The following RPTOR variants were observed in gnomAD, a reference collection of about 807,000 sequenced individuals.
RPTOR encodes the protein regulatory associated protein of MTOR complex 1.
A neutral mutation model predicts 169.9 loss-of-function variants in RPTOR; 21 were observed. The observed-to-expected ratio is 0.12, with a 90% CI of 0.09 to 0.18. RPTOR has a LOEUF of 0.18. Among genes scored for constraint, RPTOR ranks in the 10% least tolerant of loss-of-function variants. The probability of loss-of-function intolerance (pLI) is 1.00; values close to 1 mark genes in which losing one functional copy is unlikely to be tolerated. For synonymous variants in RPTOR, 732 were observed against 753.2 expected (o/e 0.97, Z 0.46); for missense variants, 1,133 against 1,855.9 (o/e 0.61, Z 7.16).
chr17:80,940,377 TG>T, intron 24 of RPTOR, 118 bp from the exon 25 acceptor site: 1 of 714,330 alleles, frequency 1.4e-6, no homozygotes. Flanking sequence ...CCTTTCGTAT[TG>T]GGGACTGAGC....
At chr17:80,737,604 T>C (rs981039477) in intron 5 of RPTOR, among the ~76,000 whole-genome samples, 6 of 152,198 alleles carry the variant, frequency 3.9e-5, no homozygotes, top group Non-Finnish European at 7.3e-5. Flanking sequence ...TCTCTGCATG[T>C]GCTCTGGACA....
At chr17:80,927,756 A>G (rs1391829799) in intron 24 of RPTOR, among the ~76,000 whole-genome samples, 1 of 109,572 alleles carries the variant, frequency 9.1e-6, no homozygotes, top group African/African-American at 3.6e-5. Flanking sequence ...GTGTGTGTCT[A>G]TTTGTTCCGG....
intron 3 of RPTOR, among the ~76,000 whole-genome samples, chr17:80,701,046 A>C (rs1208904417): frequency 1.3e-5 from 2 of 152,110 alleles, no homozygotes. Flanking sequence ...CAGCTGGGTG[A>C]TTCTCAGGTT....
At chr17:80,596,737 C>T (rs2143430152) in intron 1 of RPTOR, among the ~76,000 whole-genome samples, 1 of 152,272 alleles carries the variant, frequency 6.6e-6, no homozygotes, top group South Asian at 2.1e-4. Flanking sequence ...GATAAAATAA[C>T]ACCTTTTTCT....
chr17:80,611,756 G>GTTTT (rs71163978), intron 1 of RPTOR, among the ~76,000 whole-genome samples: 2 of 132,190 alleles, frequency 1.5e-5, no homozygotes, highest in African/African-American at 6.3e-5. Flanking sequence ...TTTTATAGCT[G>GTTTT]TTTTTTTTTT....
At chr17:80,942,991 C>A (rs1227797888) in intron 25 of RPTOR, among the ~76,000 whole-genome samples, 2 of 152,280 alleles carry the variant, frequency 1.3e-5, no homozygotes, top group African/African-American at 4.8e-5. Context: ...GCCTTCGGGC[C>A]TGCCTGCCTC....
At chr17:80,952,211 G>T (rs956505362) in intron 28 of RPTOR, among the ~76,000 whole-genome samples, 1 of 152,244 alleles carries the variant, frequency 6.6e-6, no homozygotes, top group African/African-American at 2.4e-5. Flanking sequence ...CCCAGTGTTG[G>T]CATTTGATAG....
intron 7 of RPTOR, among the ~76,000 whole-genome samples, chr17:80,817,961 G>A (rs1201301837): frequency 6.6e-6 from 1 of 152,194 alleles, no homozygotes; most frequent in African/African-American, 2.4e-5. Flanking sequence ...CAGTAAGGAA[G>A]ATAAATCCTG....
At position 80,820,911 on chromosome 17, in the gene RPTOR, G is replaced by T. The variant is rs80132455; in HGVS notation, c.891-1290G>T. 0.03 allele frequency among the ~76,000 whole-genome samples: 4,638 copies of T among 152,286 alleles called. 261 individuals carry two copies. The highest frequency in any genetic ancestry group is 0.11 in the African/African-American group (4,455 of 41,540). On this transcript the variant is annotated intron_variant, in intron 7 of 33. Transcript: ENST00000306801. This position sits in a 1 kb window ranked among gnomAD's most constrained non-coding sequence, Gnocchi z 4.1. ...GAAAACCCTGATGTTGGGTAAACTG[G>T]TCTCCACTGTGGAGGTCGAAATTTT... is the stretch of plus-strand genomic sequence containing the variant.
Position 80,861,753 on chromosome 17 carries a change from A to G in RPTOR, c.1509+3853A>G, listed in dbSNP as rs574297476. 1.4e-4 allele frequency among the ~76,000 whole-genome samples: 22 copies of G among 152,336 alleles called. No individual in the cohort carries two copies. The highest frequency in any genetic ancestry group is 3.3e-4 in the Admixed American group (5 of 15,306). On this transcript the variant is annotated intron_variant, in intron 13 of 33. Transcript: ENST00000306801. The surrounding 1 kb of genome is among the most constrained non-coding windows in gnomAD (Gnocchi z 4.5). ...CCCCAGCACCGCCAGTGCTGCAGGA[A>G]CGTGTCTAAGCCAACTTTGATTCTC...
chr17:80,698,645 T>C (rs1275719347), intron 3 of RPTOR, among the ~76,000 whole-genome samples: 1 of 152,242 alleles, frequency 6.6e-6, no homozygotes, highest in Non-Finnish European at 1.5e-5. Context: ...TTAATCTTTA[T>C]GTTTGGAAAG....
At chr17:80,546,833 CA>C (rs1292252092) in intron 1 of RPTOR, among the ~76,000 whole-genome samples, 1 of 152,110 alleles carries the variant, frequency 6.6e-6, no homozygotes, top group African/African-American at 2.4e-5. Context: ...GCAGGCCTCC[CA>C]AAGGCAGGCG....
Position 80,574,837 on chromosome 17 carries a change from T to TTTTTTC in RPTOR, c.162+29051_162+29052insCTTTTT, listed in dbSNP as rs1414222899. ...AGCCCAGCTTATTTAATTTTTTTTT[T>TTTTTTC]TTTTTTTGTAGAGACAGGGTCTTCT... On this transcript the variant is annotated intron_variant, in intron 1 of 33. Transcript: ENST00000306801. 2.0e-5 allele frequency among the ~76,000 whole-genome samples: 3 copies of TTTTTTC among 149,184 alleles called. No individual in the cohort carries two copies. The East Asian group carries it at 5.9e-4, about 30-fold the overall frequency.
intron 20 of RPTOR, among the ~76,000 whole-genome samples, chr17:80,898,933 C>G (rs964901597): frequency 1.3e-5 from 2 of 151,982 alleles, no homozygotes; most frequent in African/African-American, 4.8e-5. Context: ...CAAGGCAGTT[C>G]CCACCGGGCA....
chr17:80,710,216 A>G (rs2066176306), intron 4 of RPTOR, among the ~76,000 whole-genome samples: 1 of 151,818 alleles, frequency 6.6e-6, no homozygotes, highest in Non-Finnish European at 1.5e-5. Flanking sequence ...GCTGGTCTTG[A>G]ACTCCTGAGT....
At chr17:80,678,266 G>A (rs746955688) in intron 3 of RPTOR, among the ~76,000 whole-genome samples, 1 of 152,194 alleles carries the variant, frequency 6.6e-6, no homozygotes, top group Non-Finnish European at 1.5e-5. Context: ...GGTGGATGGC[G>A]AAAGGAAGAA....
At chr17:80,923,117 G>C (rs981308827) in intron 22 of RPTOR, among the ~76,000 whole-genome samples, 1 of 152,236 alleles carries the variant, frequency 6.6e-6, no homozygotes, top group Non-Finnish European at 1.5e-5. Context: ...GAGTTTGTAA[G>C]AGGGGATCTA....
intron 19 of RPTOR, 141 bp downstream of exon 19, chr17:80,893,010 A>G: frequency 4.8e-6 from 5 of 1,046,910 alleles, no homozygotes; most frequent in Non-Finnish European, 6.9e-6. Flanking sequence ...CAACATGGTG[A>G]TGAGTCACCC....
At chr17:80,753,159 C>G (rs567958350) in intron 5 of RPTOR, among the ~76,000 whole-genome samples, 1 of 152,178 alleles carries the variant, frequency 6.6e-6, no homozygotes, top group South Asian at 2.1e-4. Flanking sequence ...CCTAATCCCC[C>G]ACTCGGGGAT....
Sources: gnomAD v4.1 joint callset for allele counts (sites outside exome capture counted in the v4.1 genomes callset) on GRCh38, gnomAD v4.1.1 for gene constraint, Gnocchi (gnomAD v3.1) non-coding constraint, MANE v1.5 for transcripts, NCBI Gene and HGNC (gene_info 2026-07-23, HGNC 2026-07-21) for gene names.